Variants in RARB observed in about 807,000 individuals in gnomAD.
The protein encoded by RARB is retinoic acid receptor beta.
A neutral mutation model predicts 51.9 loss-of-function variants in RARB; 17 were observed. The ratio of observed to expected loss-of-function variants is 0.33; its 90% CI spans 0.22 to 0.49. RARB has a LOEUF of 0.49. Ranked by LOEUF, RARB falls within the 20% of genes least tolerant of loss-of-function variation. RARB has a pLI of 0.99. For synonymous variants in RARB, 215 were observed against 195.4 expected (o/e 1.10, Z -0.84); for missense variants, 369 against 550.8 (o/e 0.67, Z 3.30).
intron 1 of RARB, among the ~76,000 whole-genome samples, chr3:25,442,348 C>G (rs1478325987): frequency 6.6e-6 from 1 of 152,078 alleles, no homozygotes; most frequent in African/African-American, 2.4e-5. Flanking sequence ...ATTGGTCAGG[C>G]TGGTCTCGAA....
At chr3:25,012,611 G>A (rs1178984618) in intron 2 of RARB, among the ~76,000 whole-genome samples, 1 of 152,136 alleles carries the variant, frequency 6.6e-6, no homozygotes, top group Non-Finnish European at 1.5e-5. Context: ...CATTGCTTCT[G>A]TAGTTTGGCA....
At chr3:25,154,982 G>A (rs147811251) in intron 4 of RARB, among the ~76,000 whole-genome samples, 25 of 152,246 alleles carry the variant, frequency 1.6e-4, no homozygotes, top group African/African-American at 6.0e-4. Context: ...CTAACACATA[G>A]CAAGTATTCA....
intron 3 of RARB, among the ~76,000 whole-genome samples, chr3:25,511,059 A>G (rs955598692): frequency 1.3e-5 from 2 of 152,186 alleles, no homozygotes; most frequent in African/African-American, 4.8e-5. Context: ...ACAATTGAGC[A>G]TGGCTTTGTT....
chr3:25,482,117 T>C (rs1019418143), intron 2 of RARB, among the ~76,000 whole-genome samples: 4 of 152,194 alleles, frequency 2.6e-5, no homozygotes, highest in Admixed American at 6.5e-5. Context: ...CCCTTTTTTT[T>C]CCTACAGAAC....
intron 2 of RARB, among the ~76,000 whole-genome samples, chr3:24,966,897 C>T (rs1467081718): frequency 6.6e-6 from 1 of 152,108 alleles, no homozygotes; most frequent in African/African-American, 2.4e-5. Flanking sequence ...CTGTGTTGAA[C>T]CACACATCCT....
chr3:25,470,327 T>G (rs1481714338), intron 2 of RARB, among the ~76,000 whole-genome samples: 5 of 152,034 alleles, frequency 3.3e-5, no homozygotes, highest in Admixed American at 6.6e-5. Context: ...CGATTACAGG[T>G]AAATGGTAAA....
chr3:25,022,685 G>A (rs1202940552), intron 2 of RARB, among the ~76,000 whole-genome samples: 2 of 152,140 alleles, frequency 1.3e-5, no homozygotes, highest in Non-Finnish European at 2.9e-5. Flanking sequence ...TAAACAGGGA[G>A]GACAGGGAAG....
chr3:25,327,760 A>G (rs2125443178), intron 5 of RARB, among the ~76,000 whole-genome samples: 1 of 152,360 alleles, frequency 6.6e-6, no homozygotes, highest in Non-Finnish European at 1.5e-5. Flanking sequence ...CAGCTCTATG[A>G]TGGCTCTAGA....
At chr3:25,081,932 C>T (rs2125313343) in intron 3 of RARB, among the ~76,000 whole-genome samples, 1 of 151,950 alleles carries the variant, frequency 6.6e-6, no homozygotes, top group East Asian at 1.9e-4. Flanking sequence ...TGTGCCCGGC[C>T]TGCTTCATAT....
chr3:25,127,939 A>C (rs1163393775), intron 3 of RARB, among the ~76,000 whole-genome samples: 4 of 152,136 alleles, frequency 2.6e-5, no homozygotes. Flanking sequence ...ATTTGGGTAC[A>C]TGTACATAAG....
chr3:25,214,962 A>G (rs1317389643), intron 5 of RARB, among the ~76,000 whole-genome samples: 1 of 152,222 alleles, frequency 6.6e-6, no homozygotes, highest in African/African-American at 2.4e-5. Flanking sequence ...CAATAGCAAC[A>G]TGAATGACTA....
intron 3 of RARB, among the ~76,000 whole-genome samples, chr3:25,102,000 G>T (rs990758247): frequency 1.3e-5 from 2 of 152,066 alleles, no homozygotes; most frequent in Admixed American, 1.3e-4. Flanking sequence ...TGTAAGCATG[G>T]TACAGGTCTC....
At chr3:25,424,244 G>A (rs979400750), upstream of RARB, among the ~76,000 whole-genome samples, 9 of 152,220 alleles carry the variant, frequency 5.9e-5, no homozygotes, top group Admixed American at 2.6e-4. Context: ...AGTTCATTTG[G>A]AAAGTGCATT....
At position 25,020,259 on chromosome 3, in the gene RARB, C is replaced by T. The variant is rs1330325780; in HGVS notation, c.-379-39866C>T. 2 of 151,958 alleles carry T rather than the reference C, an allele frequency of 1.3e-5. 1 individual carries two copies. Among genetic ancestry groups the T allele is most frequent in the East Asian group, 3.9e-4 (2 of 5,178 alleles). 9.4% of individuals were successfully genotyped at this position (151,958 alleles called of 1,614,324 possible). On this transcript the variant is annotated intron_variant, in intron 2 of 11. Coordinates refer to the RARB transcript ENST00000383772. ...TGATCAGCACATGAGTTTTGACAGG[C>T]TCTGTTTCTGACCTGGGACAGTTCA...
intron 2 of RARB, among the ~76,000 whole-genome samples, chr3:24,943,062 T>C (rs1448285828): frequency 6.6e-6 from 1 of 152,218 alleles, no homozygotes; most frequent in Non-Finnish European, 1.5e-5. Flanking sequence ...CTGTGGATTC[T>C]GTGGCATAGT....
chr3:25,097,559 T>C (rs985714872), intron 3 of RARB, among the ~76,000 whole-genome samples: 1 of 152,188 alleles, frequency 6.6e-6, no homozygotes, highest in African/African-American at 2.4e-5. Context: ...GGAGGCTCGC[T>C]TGAGCCCAGG....
intron 4 of RARB, among the ~76,000 whole-genome samples, chr3:25,147,474 A>T (rs1374237859): frequency 6.6e-6 from 1 of 152,102 alleles, no homozygotes; most frequent in Admixed American, 6.6e-5. Context: ...AAAGCATATA[A>T]CTATATGACA....
chr3:25,022,897 A>G (rs1697668189), intron 2 of RARB, among the ~76,000 whole-genome samples: 1 of 152,188 alleles, frequency 6.6e-6, no homozygotes. Context: ...GAGTGGCCTG[A>G]TAGTGCAGAA....
chr3:25,240,700 T>A (rs1702411122), intron 5 of RARB, among the ~76,000 whole-genome samples: 2 of 152,158 alleles, frequency 1.3e-5, no homozygotes, highest in South Asian at 2.1e-4. Flanking sequence ...CATGGTGTAT[T>A]ATCTTTTTGA....
Sources: gnomAD v4.1 joint callset for allele counts (sites outside exome capture counted in the v4.1 genomes callset) on GRCh38, gnomAD v4.1.1 for gene constraint, MANE v1.5 for transcripts, NCBI Gene and HGNC (gene_info 2026-07-23, HGNC 2026-07-21) for gene names.